The following TBC1D31 variants were observed in gnomAD, a reference collection of about 807,000 sequenced individuals.
TBC1D31 encodes TBC1 domain family member 31, also known as WD repeat domain 67.
A neutral mutation model predicts 132.9 loss-of-function variants in TBC1D31; 99 were observed. The ratio of observed to expected loss-of-function variants is 0.74; its 90% CI spans 0.63 to 0.88. The LOEUF is 0.88. Ranked by LOEUF, TBC1D31 falls within the 40% of genes least tolerant of loss-of-function variation. The pLI is 0.00. For missense variants in TBC1D31, 1,134 were observed against 1,256.6 expected (o/e 0.90, Z 1.48); for synonymous variants, 385 against 419.4 (o/e 0.92, Z 1.00).
At chr8:123,080,966 G>T (rs1005716160) in intron 2 of TBC1D31, among the ~76,000 whole-genome samples, 1 of 152,214 alleles carries the variant, frequency 6.6e-6, no homozygotes, top group African/African-American at 2.4e-5. Context: ...GCAGTTAGCA[G>T]CAGAGCTGGG....
intron 5 of TBC1D31, 86 bp downstream of exon 5, chr8:123,093,828 G>T: frequency 2.1e-6 from 2 of 961,676 alleles, no homozygotes; most frequent in African/African-American, 1.7e-5. Flanking sequence ...TTTTTATTCA[G>T]TATCTTTTTG....
rs375257490 is a variant in TBC1D31 at position 123,128,547 on chromosome 8, A to G, written c.2117+34A>G. ...GGAATAGTTTTTCTTTTTCTGATAC[A>G]ATGAAATATGTTATAAACATAAGAA... On this transcript the variant is annotated intron_variant, in intron 14 of 21. Transcript: ENST00000287380. 1.4e-3 allele frequency: 2,002 copies of G among 1,431,904 alleles called. 5 individuals are homozygous for G. The highest frequency in any genetic ancestry group is 1.3e-3 in the Non-Finnish European group (1,379 of 1,025,990). 88.7% of individuals were successfully genotyped at this position (1,431,904 alleles called of 1,614,324 possible). A position where few individuals can be genotyped will look rare whatever the true frequency, so the allele number is the denominator to read the frequency against.
At chr8:123,098,064 GT>G (rs1443548038) in intron 6 of TBC1D31, among the ~76,000 whole-genome samples, 1 of 151,770 alleles carries the variant, frequency 6.6e-6, no homozygotes, top group Non-Finnish European at 1.5e-5. Flanking sequence ...TTAGATATAT[GT>G]TTTACATATA....
chr8:123,078,949 G>A (rs979599207), intron 2 of TBC1D31, among the ~76,000 whole-genome samples: 2 of 152,200 alleles, frequency 1.3e-5, no homozygotes, highest in African/African-American at 4.8e-5. Context: ...ATAACTAGTA[G>A]TGGAATGAAT....
intron 10 of TBC1D31, among the ~76,000 whole-genome samples, chr8:123,119,725 G>GA (rs1163164184): frequency 4.6e-5 from 7 of 151,382 alleles, no homozygotes; most frequent in Admixed American, 6.6e-5. Flanking sequence ...GAAAACAAAA[G>GA]AAAAAAAAGA....
intron 11 of TBC1D31, among the ~76,000 whole-genome samples, chr8:123,122,043 A>G (rs1297902541): frequency 6.6e-6 from 1 of 152,234 alleles, no homozygotes; most frequent in Non-Finnish European, 1.5e-5. Flanking sequence ...TGTTATATAC[A>G]TGTTAATGAG....
chr8:123,118,582 CAT>C (rs1352886183), intron 10 of TBC1D31, among the ~76,000 whole-genome samples: 1 of 151,554 alleles, frequency 6.6e-6, no homozygotes, highest in South Asian at 2.1e-4. Flanking sequence ...ACTGAAAAAA[CAT>C]ATGCAAAACC....
At chr8:123,099,852 G>A (rs992777472) in intron 6 of TBC1D31, among the ~76,000 whole-genome samples, 1 of 152,134 alleles carries the variant, frequency 6.6e-6, no homozygotes, top group Non-Finnish European at 1.5e-5. Flanking sequence ...GGCATCTTTT[G>A]AAGGCCTTTG....
chr8:123,133,238 T>A (rs1820789481), intron 16 of TBC1D31, among the ~76,000 whole-genome samples: 1 of 152,228 alleles, frequency 6.6e-6, no homozygotes, highest in Non-Finnish European at 1.5e-5. Flanking sequence ...GCAAAAGAGC[T>A]CTGTAATTGA....
chr8:123,122,747 G>A (rs62521799), intron 11 of TBC1D31, among the ~76,000 whole-genome samples: 10,354 of 152,180 alleles, frequency 0.068, 444 homozygotes, highest in Non-Finnish European at 0.092. Flanking sequence ...GTTAATTTAG[G>A]TATGTATGCC....
intron 11 of TBC1D31, among the ~76,000 whole-genome samples, chr8:123,120,759 C>G (rs1025973661): frequency 1.5e-4 from 23 of 152,044 alleles, no homozygotes; most frequent in African/African-American, 5.5e-4. Flanking sequence ...ATATATTCCC[C>G]AAGTGCAAGA....
At chr8:123,100,574 C>A (rs1352990905) in intron 6 of TBC1D31, among the ~76,000 whole-genome samples, 1 of 151,184 alleles carries the variant, frequency 6.6e-6, no homozygotes, top group African/African-American at 2.4e-5. Context: ...AAAATTCCAT[C>A]TCAAAACAAT....
At chr8:123,105,181 T>C in intron 7 of TBC1D31, 107 bp from the exon 8 acceptor site, 2 of 764,248 alleles carry the variant, frequency 2.6e-6, no homozygotes, top group South Asian at 5.2e-5. Flanking sequence ...AGAATAATTC[T>C]ACATATTAAG....
chr8:123,136,219 G>A (rs1405584393), intron 17 of TBC1D31, among the ~76,000 whole-genome samples: 2 of 152,162 alleles, frequency 1.3e-5, no homozygotes, highest in East Asian at 3.9e-4. Flanking sequence ...GTCCTTTAGA[G>A]CAAAAGAAAA....
At chr8:123,111,319 A>G (rs2130567375) in intron 10 of TBC1D31, among the ~76,000 whole-genome samples, 1 of 152,322 alleles carries the variant, frequency 6.6e-6, no homozygotes, top group Middle Eastern at 3.4e-3. Context: ...AATTTCTCCA[A>G]AGAAAAAGTT....
At position 123,142,495 on chromosome 8, in the gene TBC1D31, TGA is replaced by T; in HGVS notation, c.2835+40_2835+41del. ...TTATAAACTTTTTAATATCAAGCAT[TGA>T]TTTTTTTTTTTTTTTTAAAAGACAG... On this transcript the variant is annotated intron_variant, in intron 19 of 21. Coordinates refer to ENST00000287380, the MANE Select transcript of TBC1D31 (RefSeq NM_145647.4). 3 of 1,374,994 alleles carry T rather than the reference TGA, an allele frequency of 2.2e-6. No individual in the cohort carries two copies. In the South Asian group the frequency reaches 5.1e-5, roughly 23 times the overall value. 85.2% of individuals were successfully genotyped at this position (1,374,994 alleles called of 1,614,324 possible).
chr8:123,149,995 C>G (rs769537036), intron 20 of TBC1D31, 41 bp from the exon 21 acceptor site: 3 of 1,451,768 alleles, frequency 2.1e-6, no homozygotes, highest in Non-Finnish European at 1.9e-6. Context: ...CCTTTCTACT[C>G]ACTCCCAAAC....
chr8:123,152,508 G>A (rs1482013734), downstream of TBC1D31, among the ~76,000 whole-genome samples: 1 of 152,052 alleles, frequency 6.6e-6, no homozygotes, highest in Non-Finnish European at 1.5e-5. Context: ...CTCCAGAGTG[G>A]GGCTGCTTGT....
At chr8:123,079,722 G>T (rs1814938256) in intron 2 of TBC1D31, among the ~76,000 whole-genome samples, 1 of 152,090 alleles carries the variant, frequency 6.6e-6, no homozygotes, top group African/African-American at 2.4e-5. Context: ...CCTTGCATTG[G>T]ACTCTACTGT....
Sources: allele counts gnomAD v4.1 joint callset (sites outside exome capture counted in the v4.1 genomes callset), GRCh38; gene constraint gnomAD v4.1.1; transcripts MANE v1.5; gene names NCBI Gene and HGNC (gene_info 2026-07-23, HGNC 2026-07-21).